KCNQ5: variants seen among roughly 807,000 people sequenced by gnomAD.
KCNQ5 encodes the protein potassium voltage-gated channel subfamily KQT member 5.
A neutral mutation model predicts 98.2 loss-of-function variants in KCNQ5; 30 were observed. The observed-to-expected ratio is 0.31, with a 90% CI of 0.23 to 0.41. The LOEUF is 0.41. KCNQ5 is among the 10% of genes least tolerant of loss of function. The probability of loss-of-function intolerance (pLI) is 1.00; values close to 1 mark genes in which losing one functional copy is unlikely to be tolerated. For synonymous variants in KCNQ5, 458 were observed against 449.4 expected, an observed-to-expected ratio of 1.02 and a Z score of -0.24; for missense variants, 835 against 1,182.5, an observed-to-expected ratio of 0.71 and a Z score of 4.31.
At chr6:72,956,417 A>C (rs1266219055) in intron 1 of KCNQ5, among the ~76,000 whole-genome samples, 1 of 151,426 alleles carries the variant, frequency 6.6e-6, no homozygotes, top group Admixed American at 6.6e-5. Flanking sequence ...CAAAAACTCA[A>C]GCCATTATAT....
chr6:72,792,838 A>C (rs1421609783), intron 1 of KCNQ5, among the ~76,000 whole-genome samples: 1 of 152,236 alleles, frequency 6.6e-6, no homozygotes, highest in African/African-American at 2.4e-5. Context: ...TGATGTCTTC[A>C]TTGCAGCAGA....
At chr6:72,813,478 T>G (rs1171897753) in intron 1 of KCNQ5, among the ~76,000 whole-genome samples, 1 of 152,204 alleles carries the variant, frequency 6.6e-6, no homozygotes, top group Non-Finnish European at 1.5e-5. Flanking sequence ...GAATAGAAAC[T>G]TAACTGTTTT....
At chr6:72,799,675 T>C (rs376245148) in intron 1 of KCNQ5, among the ~76,000 whole-genome samples, 33 of 152,296 alleles carry the variant, frequency 2.2e-4, no homozygotes, top group African/African-American at 7.7e-4. Flanking sequence ...GTGAAATGAA[T>C]ACGATGGAGG....
At chr6:73,044,211 T>C (rs1771851527) in intron 3 of KCNQ5, among the ~76,000 whole-genome samples, 1 of 152,126 alleles carries the variant, frequency 6.6e-6, no homozygotes, top group African/African-American at 2.4e-5. Context: ...GCCCAGGAGT[T>C]TGAGGCTGCA....
intron 1 of KCNQ5, among the ~76,000 whole-genome samples, chr6:72,706,219 CATT>C (rs1769071192): frequency 6.6e-6 from 1 of 151,906 alleles, no homozygotes; most frequent in Non-Finnish European, 1.5e-5. Context: ...ATCTAGCCAT[CATT>C]ATTTCTTATT....
intron 1 of KCNQ5, among the ~76,000 whole-genome samples, chr6:72,767,928 C>T (rs1439038973): frequency 6.6e-6 from 1 of 151,992 alleles, no homozygotes; most frequent in Non-Finnish European, 1.5e-5. Flanking sequence ...GTCAAACAGA[C>T]TGGCAGCTTC....
At chr6:73,149,419 T>C (rs1045993793) in intron 10 of KCNQ5, among the ~76,000 whole-genome samples, 7 of 152,098 alleles carry the variant, frequency 4.6e-5, no homozygotes, top group African/African-American at 1.7e-4. Flanking sequence ...ATAAAGCTTT[T>C]AGAAAAAAAG....
intron 5 of KCNQ5, among the ~76,000 whole-genome samples, chr6:73,081,638 G>A (rs957175327): frequency 1.3e-5 from 2 of 152,058 alleles, no homozygotes; most frequent in Non-Finnish European, 2.9e-5. Flanking sequence ...ATAAACTAAT[G>A]TACATAGATT....
intron 1 of KCNQ5, among the ~76,000 whole-genome samples, chr6:72,852,909 T>G (rs931567708): frequency 6.6e-6 from 1 of 151,952 alleles, no homozygotes; most frequent in Non-Finnish European, 1.5e-5. Context: ...TATTATATCA[T>G]AGAGAGCTAC....
Position 73,165,914 on chromosome 6 carries a change from G to T in KCNQ5, c.1469-3832G>T, listed in dbSNP as rs78497977. Among the ~76,000 whole-genome samples, 128 of 151,744 alleles carry T rather than the reference G, an allele frequency of 8.4e-4. No individual in the cohort carries two copies. In the East Asian group the frequency reaches 0.023, roughly 27 times the overall value. On this transcript the variant is annotated intron_variant, in intron 10 of 13. Transcript: ENST00000370398. ...GAGCCGAGATTGTGCTACTACACTTGAGCCTGGGTGACTCCGTCTCAAAAA... is the reference window on the plus strand; with the variant it reads ...GAGCCGAGATTGTGCTACTACACTTTAGCCTGGGTGACTCCGTCTCAAAAA...
At chr6:73,192,751 A>G in intron 13 of KCNQ5, 60 bp downstream of exon 13, 1 of 1,394,338 alleles carries the variant, frequency 7.2e-7, no homozygotes, top group South Asian at 1.6e-5. Flanking sequence ...AAAATTTATT[A>G]TAGGCAATTG....
chr6:72,690,477 T>C (rs1768158625), intron 1 of KCNQ5, among the ~76,000 whole-genome samples: 1 of 152,216 alleles, frequency 6.6e-6, no homozygotes, highest in Non-Finnish European at 1.5e-5. Context: ...TTGTTTCCTA[T>C]TTAGGGTTGT....
At chr6:73,167,234 C>T (rs1299517736) in intron 10 of KCNQ5, among the ~76,000 whole-genome samples, 1 of 152,202 alleles carries the variant, frequency 6.6e-6, no homozygotes, top group Non-Finnish European at 1.5e-5. Context: ...AATCAATGTA[C>T]TCTCATTCCA....
At chr6:72,877,309 G>A (rs778499462) in intron 1 of KCNQ5, among the ~76,000 whole-genome samples, 12 of 152,152 alleles carry the variant, frequency 7.9e-5, no homozygotes, top group Non-Finnish European at 1.6e-4. Context: ...AGGAGAACAT[G>A]TAGTATTTGG....
chr6:73,134,073 A>G (rs1170747551), intron 10 of KCNQ5: 1 of 455,134 alleles, frequency 2.2e-6, no homozygotes, highest in Non-Finnish European at 4.5e-6. Flanking sequence ...TCAACAATGA[A>G]GGTGCTCTTT....
intron 1 of KCNQ5, among the ~76,000 whole-genome samples, chr6:72,925,925 A>C (rs1765399498): frequency 6.6e-6 from 1 of 152,226 alleles, no homozygotes; most frequent in South Asian, 2.1e-4. Flanking sequence ...GGTAATGAGA[A>C]GCTACAGAAG....
chr6:72,801,780 A>G (rs1410859917), intron 1 of KCNQ5, among the ~76,000 whole-genome samples: 2 of 151,864 alleles, frequency 1.3e-5, no homozygotes, highest in Non-Finnish European at 2.9e-5. Context: ...GTTCCTTTCT[A>G]TGTTTAGTGC....
At chr6:72,637,462 G>T (rs1194164459) in intron 1 of KCNQ5, among the ~76,000 whole-genome samples, 8 of 151,962 alleles carry the variant, frequency 5.3e-5, no homozygotes, top group Non-Finnish European at 1.2e-4. Flanking sequence ...TCTTCCATTT[G>T]TTCAACTTTC....
intron 1 of KCNQ5, among the ~76,000 whole-genome samples, chr6:72,885,896 C>T (rs935762288): frequency 3.9e-5 from 6 of 152,178 alleles, no homozygotes; most frequent in Non-Finnish European, 7.4e-5. Flanking sequence ...TCTATTTCAA[C>T]CTTGGATCTC....
Sources: gnomAD v4.1 joint callset for allele counts (sites outside exome capture counted in the v4.1 genomes callset) on GRCh38, gnomAD v4.1.1 for gene constraint, MANE v1.5 for transcripts, NCBI Gene and HGNC (gene_info 2026-07-23, HGNC 2026-07-21) for gene names.